Variants in MTIF2 observed in about 807,000 individuals in gnomAD.
The protein encoded by MTIF2 is mitochondrial translational initiation factor 2, also known as translation initiation factor IF-2, mitochondrial.
A neutral mutation model predicts 83.5 loss-of-function variants in MTIF2; 71 were observed. The ratio of observed to expected loss-of-function variants is 0.85; its 90% CI spans 0.70 to 1.04. The LOEUF (loss-of-function observed/expected upper bound fraction) is 1.04, where lower values mean the gene tolerates loss of function less well. MTIF2 is among the 50% of genes least tolerant of loss of function. The pLI, the probability that MTIF2 is intolerant of heterozygous loss-of-function variation, is 0.00. For synonymous variants in MTIF2, 319 were observed against 287.1 expected (o/e 1.11, Z -1.12); for missense variants, 957 against 846.5 (o/e 1.13, Z -1.62).
chr2:55,242,406 T>A (rs1056874658), intron 13 of MTIF2, among the ~76,000 whole-genome samples: 27 of 152,072 alleles, frequency 1.8e-4, no homozygotes, highest in African/African-American at 6.0e-4. Context: ...CAGTCATGAG[T>A]CCCCCTTTTT....
intron 10 of MTIF2, among the ~76,000 whole-genome samples, chr2:55,245,082 A>G (rs1361861423): frequency 2.6e-5 from 4 of 152,134 alleles, no homozygotes; most frequent in South Asian, 4.1e-4. Context: ...TAAATATTAA[A>G]TTGTTTAAAA....
chr2:55,238,421 G>C (rs1451904682), intron 14 of MTIF2, among the ~76,000 whole-genome samples: 1 of 110,790 alleles, frequency 9.0e-6, no homozygotes, highest in Non-Finnish European at 1.8e-5. Context: ...ATGGAGTTTC[G>C]CTCTTGTTGC....
At position 55,244,128 on chromosome 2, in the gene MTIF2, T is replaced by C. The variant is rs183531336; in HGVS notation, c.1212A>G (p.Gly404=). 1.9e-6 allele frequency: 3 copies of C among 1,614,148 alleles called. No homozygotes were observed. In the Admixed American group the frequency reaches 5.0e-5, roughly 27 times the overall value. The change falls in exon 11 of 16, where the codon GGA becomes GGG. Residue 404 remains glycine (G), a synonymous_variant. Coordinates refer to ENST00000263629, the MANE Select transcript of MTIF2 (RefSeq NM_002453.3). ...AKVRLMFDEN[G]KTIDEAYPSM... Reference sequence around the variant, plus strand: ...TGGGATAGGCCTCATCAATTGTTTTTCCATTTTCATCAAACATTAAGCGTA... The same window carrying C: ...TGGGATAGGCCTCATCAATTGTTTTCCCATTTTCATCAAACATTAAGCGTA...
intron 5 of MTIF2, among the ~76,000 whole-genome samples, chr2:55,261,941 C>CAAAAAAAAAAAAA (rs5831348): frequency 3.4e-5 from 3 of 87,142 alleles, no homozygotes; most frequent in African/African-American, 3.9e-5. Flanking sequence ...AAAAAAAAAC[C>CAAAAAAAAAAAAA]AAAAAAAAAA....
At chr2:55,251,105 C>T (rs561707928) in intron 8 of MTIF2, among the ~76,000 whole-genome samples, 10 of 120,164 alleles carry the variant, frequency 8.3e-5, no homozygotes, top group African/African-American at 2.8e-4. Context: ...AGCAAAACTC[C>T]GTCTCAAAAA....
chr2:55,256,848 C>T (rs1029692562), intron 5 of MTIF2, among the ~76,000 whole-genome samples: 7 of 147,644 alleles, frequency 4.7e-5, no homozygotes, highest in African/African-American at 1.7e-4. Flanking sequence ...GCTGGGACCA[C>T]AGGTGCCACC....
chr2:55,267,455 G>C (rs1412935046), intron 3 of MTIF2, 114 bp downstream of exon 3: 1 of 152,722 alleles, frequency 6.5e-6, no homozygotes, highest in Non-Finnish European at 1.5e-5. Flanking sequence ...CACCGCGCCT[G>C]GCCTATACTG....
At chr2:55,257,885 T>A (rs2104429641) in intron 5 of MTIF2, among the ~76,000 whole-genome samples, 1 of 152,252 alleles carries the variant, frequency 6.6e-6, no homozygotes, top group South Asian at 2.1e-4. Flanking sequence ...AACCTCTGCC[T>A]CCCAGGCAGT....
intron 14 of MTIF2, 92 bp downstream of exon 14, chr2:55,239,918 CA>C: frequency 8.9e-7 from 1 of 1,126,594 alleles, no homozygotes; most frequent in African/African-American, 1.6e-5. Context: ...TATCTTTCAA[CA>C]TTGAAAACGT....
chr2:55,243,821 G>A (rs1255870810), intron 11 of MTIF2, among the ~76,000 whole-genome samples, 153 bp from the exon 12 acceptor site: 1 of 152,116 alleles, frequency 6.6e-6, no homozygotes, highest in African/African-American at 2.4e-5. Context: ...ATTTTAATTT[G>A]AGAGCTTGTA....
intron 3 of MTIF2, chr2:55,266,644 CTAGA>C (rs1172118648): frequency 6.8e-6 from 1 of 146,594 alleles, no homozygotes; most frequent in Non-Finnish European, 1.5e-5. Flanking sequence ...ATATTTTCTA[CTAGA>C]TAGTCTTTAA....
At chr2:55,238,191 C>CA (rs5831346) in intron 14 of MTIF2, among the ~76,000 whole-genome samples, 147,134 of 151,998 alleles carry the variant, frequency 0.97, 71,267 homozygotes, top group African/African-American at 0.99. Flanking sequence ...CCACCATGCC[C>CA]ACTAATTTTT....
chr2:55,263,795 G>T lies in MTIF2; in HGVS notation c.64C>A (p.His22Asn), dbSNP rs1286667642. The stretch of plus-strand genomic sequence containing the variant: ...AATGCTCTTCTTTGACACAGACTGT[G>T]CAGTTGCCTATAAATAGTGTGAAAT... The part of the protein sequence containing the change: ...LRFHTIYRQL[H>N]SLCQRRALRQ... The change falls in exon 4 of 16, where the codon CAC (histidine) becomes AAC (asparagine). Residue 22 changes from histidine to asparagine, a missense_variant. Transcript: ENST00000263629. 2 of 1,614,056 alleles carry T rather than the reference G, an allele frequency of 1.2e-6. No homozygotes were observed. Among genetic ancestry groups the T allele is most frequent in the Non-Finnish European group, 1.7e-6 (2 of 1,180,026 alleles).
At position 55,249,820 on chromosome 2, in the gene MTIF2, G is replaced by A. The variant is rs111278127; in HGVS notation, c.842-286C>T. On this transcript the variant is annotated intron_variant, in intron 8 of 15. Transcript: ENST00000263629. ...AAAACAATACAGTCGGGCTGGGTGC[G>A]GTGGCTCATGCCTGTAATCCTAGCA... Among the ~76,000 whole-genome samples, 546 of 152,208 alleles carry A rather than the reference G, an allele frequency of 3.6e-3. 2 individuals are homozygous for A. The highest frequency in any genetic ancestry group is 0.014 in the Middle Eastern group (4 of 294).
intron 3 of MTIF2, among the ~76,000 whole-genome samples, chr2:55,264,518 C>T (rs1386717943): frequency 1.3e-5 from 2 of 152,136 alleles, no homozygotes; most frequent in Non-Finnish European, 2.9e-5. Context: ...CAGGCATGAG[C>T]CACCATGCCC....
chr2:55,244,559 G>T (rs1055367039), intron 10 of MTIF2, among the ~76,000 whole-genome samples: 5 of 152,100 alleles, frequency 3.3e-5, no homozygotes, highest in Non-Finnish European at 7.4e-5. Context: ...AAAGACAAAT[G>T]GACATTTCTT....
intron 13 of MTIF2, among the ~76,000 whole-genome samples, chr2:55,241,364 G>T (rs1458074185): frequency 6.7e-6 from 1 of 148,768 alleles, no homozygotes; most frequent in Non-Finnish European, 1.5e-5. Flanking sequence ...GGTGCGGTGA[G>T]CCAAGATTAC....
intron 4 of MTIF2, among the ~76,000 whole-genome samples, chr2:55,262,632 T>C (rs1678109628): frequency 7.1e-6 from 1 of 140,756 alleles, no homozygotes; most frequent in Admixed American, 7.8e-5. Flanking sequence ...AATCTCTGCC[T>C]ACTGGGTTCA....
In MTIF2 at chr2:55,236,795, A is replaced by C; in HGVS notation, c.2037T>G (p.His679Gln). The C allele has an allele frequency of 6.2e-7, 1 of 1,606,270 alleles. No individual in the cohort carries two copies. Among genetic ancestry groups the C allele is most frequent in the Non-Finnish European group, 8.5e-7 (1 of 1,178,196 alleles). ...WKGSLTSLKH[H>Q]KDDISIVKTG... ...TTTTGACAATTGAAATGTCATCTTT[A>C]TGGTGTTTCAATGAGGTTAATGAGC... The change falls in exon 16 of 16, where the codon CAT becomes CAG. Residue 679 changes from histidine (H) to glutamine (Q), a missense_variant. Transcript: ENST00000263629.
Sources: allele counts gnomAD v4.1 joint callset (sites outside exome capture counted in the v4.1 genomes callset), GRCh38; gene constraint gnomAD v4.1.1; transcripts MANE v1.5; gene names NCBI Gene and HGNC (gene_info 2026-07-23, HGNC 2026-07-21).